Variants in GFRA1 observed in about 807,000 individuals in gnomAD.
The protein encoded by GFRA1 is GDNF family receptor alpha-1.
A neutral mutation model predicts 51.6 loss-of-function variants in GFRA1; 16 were observed. That is an observed-to-expected ratio of 0.31 (90% CI 0.21 to 0.47). The LOEUF (loss-of-function observed/expected upper bound fraction) is 0.47, where lower values mean the gene tolerates loss of function less well. Among genes scored for constraint, GFRA1 ranks in the 20% least tolerant of loss-of-function variants. The pLI is 1.00. For synonymous variants in GFRA1, 270 were observed against 241.3 expected, an observed-to-expected ratio of 1.12 and a Z score of -1.10; for missense variants, 530 against 594.3, an observed-to-expected ratio of 0.89 and a Z score of 1.13.
At chr10:116,185,634 T>C (rs1389312204) in intron 5 of GFRA1, among the ~76,000 whole-genome samples, 1 of 152,218 alleles carries the variant, frequency 6.6e-6, no homozygotes, top group Non-Finnish European at 1.5e-5. Flanking sequence ...TTATTTATGC[T>C]CTGGAGCCCC....
intron 5 of GFRA1, among the ~76,000 whole-genome samples, chr10:116,153,984 C>T (rs1273260086): frequency 6.6e-6 from 1 of 152,104 alleles, no homozygotes; most frequent in African/African-American, 2.4e-5. Context: ...GGCAAAGAAA[C>T]ATGCAGAAAT....
chr10:116,116,162 T>G (rs946613375), intron 6 of GFRA1, among the ~76,000 whole-genome samples: 1 of 152,182 alleles, frequency 6.6e-6, no homozygotes, highest in African/African-American at 2.4e-5. Context: ...TGGTGCGATC[T>G]CCACTCACTG....
chr10:116,131,821 A>C (rs1274329604), intron 5 of GFRA1, among the ~76,000 whole-genome samples: 2 of 151,180 alleles, frequency 1.3e-5, no homozygotes, highest in African/African-American at 4.9e-5. Context: ...CTACCTTGAT[A>C]ATGGCTTGTG....
chr10:116,088,716 C>G (rs561696966), intron 9 of GFRA1, among the ~76,000 whole-genome samples: 1 of 151,786 alleles, frequency 6.6e-6, no homozygotes, highest in Non-Finnish European at 1.5e-5. Flanking sequence ...GTCGGGAGAT[C>G]GAGACCATCC....
At chr10:116,219,280 T>C (rs1024776004) in intron 4 of GFRA1, among the ~76,000 whole-genome samples, 2 of 152,214 alleles carry the variant, frequency 1.3e-5, no homozygotes, top group Admixed American at 1.3e-4. Context: ...TTGCATTCTG[T>C]ATACTATGAA....
intron 5 of GFRA1, among the ~76,000 whole-genome samples, chr10:116,141,412 G>T (rs778362632): frequency 6.6e-5 from 10 of 152,176 alleles, no homozygotes; most frequent in Admixed American, 3.9e-4. Context: ...CCAGGTCTTA[G>T]TTGCGAGCTT....
chr10:116,228,256 T>C (rs1464740709), intron 4 of GFRA1, among the ~76,000 whole-genome samples: 2 of 152,158 alleles, frequency 1.3e-5, no homozygotes, highest in African/African-American at 4.8e-5. Context: ...GGAATTATGA[T>C]GAAAATGTCA....
intron 4 of GFRA1, among the ~76,000 whole-genome samples, chr10:116,248,158 G>A (rs906932795): frequency 1.3e-5 from 2 of 152,114 alleles, no homozygotes; most frequent in African/African-American, 2.4e-5. Context: ...CTGTGGCCCC[G>A]AACTTCTTGC....
At chr10:116,254,496 C>A (rs1011514567) in intron 4 of GFRA1, among the ~76,000 whole-genome samples, 2 of 145,258 alleles carry the variant, frequency 1.4e-5, no homozygotes, top group Non-Finnish European at 3.0e-5. Context: ...CAGAGTGAGA[C>A]CCTGACTCTA....
chr10:116,062,143 T>C lies in GFRA1; in HGVS notation c.*2255A>G. 2.5e-6 allele frequency: 1 copy of C among 398,596 alleles called. No individual in the cohort carries two copies. The allele number at this position is 398,596 out of a possible 1,614,324, so 24.7% of individuals were successfully genotyped here. A position where few individuals can be genotyped will look rare whatever the true frequency, so the allele number is the denominator to read the frequency against. On this transcript the variant is annotated 3_prime_UTR_variant, in exon 11 of 11. Transcript: ENST00000355422. ...GAAACTCCCATTTCCGCTTTGGTCA[T>C]CTGATGCTAATTAGAGCTGCTGTTA...
At chr10:116,081,829 T>C (rs1378363655) in intron 9 of GFRA1, among the ~76,000 whole-genome samples, 1 of 152,136 alleles carries the variant, frequency 6.6e-6, no homozygotes, top group East Asian at 1.9e-4. Flanking sequence ...TTTTTTATGG[T>C]TTTAATTTTA....
chr10:116,133,570 A>C (rs528060832), intron 5 of GFRA1, among the ~76,000 whole-genome samples: 92 of 152,320 alleles, frequency 6.0e-4, no homozygotes, highest in African/African-American at 2.0e-3. Flanking sequence ...GAGATGATAT[A>C]TCTAAGGTCC....
chr10:116,250,219 C>T (rs1021260079), intron 4 of GFRA1, among the ~76,000 whole-genome samples: 1 of 152,176 alleles, frequency 6.6e-6, no homozygotes, highest in South Asian at 2.1e-4. Context: ...GACAATAGTA[C>T]AGATGTATTC....
chr10:116,190,678 T>C (rs1467618586), intron 5 of GFRA1, among the ~76,000 whole-genome samples: 1 of 152,100 alleles, frequency 6.6e-6, no homozygotes, highest in Non-Finnish European at 1.5e-5. Context: ...CCCAAAGACA[T>C]TTCAAGAGGT....
intron 5 of GFRA1, among the ~76,000 whole-genome samples, chr10:116,190,916 G>C (rs1218956367): frequency 6.6e-6 from 1 of 152,126 alleles, no homozygotes; most frequent in Non-Finnish European, 1.5e-5. Context: ...AATGTGCTTG[G>C]CTACCTACAG....
chr10:116,199,682 C>A (rs548989922), intron 5 of GFRA1, among the ~76,000 whole-genome samples: 1 of 152,238 alleles, frequency 6.6e-6, no homozygotes, highest in South Asian at 2.1e-4. Flanking sequence ...TTTCAGTGAA[C>A]ACATCATTGA....
chr10:116,092,945 C>A (rs900492914), intron 8 of GFRA1, among the ~76,000 whole-genome samples: 1 of 152,148 alleles, frequency 6.6e-6, no homozygotes, highest in African/African-American at 2.4e-5. Context: ...GTCCTGGCAC[C>A]GTGCTTTTGG....
At chr10:116,271,917 C>A in intron 2 of GFRA1, 73 bp downstream of exon 2, 1 of 1,185,326 alleles carries the variant, frequency 8.4e-7, no homozygotes, top group Non-Finnish European at 1.2e-6. Flanking sequence ...GTGCGGAGGG[C>A]GGGGTGGGCT....
intron 5 of GFRA1, among the ~76,000 whole-genome samples, chr10:116,149,306 C>T (rs1958965696): frequency 6.6e-6 from 1 of 152,118 alleles, no homozygotes. Context: ...TGCAGAAAAT[C>T]AAGCTCTTTG....
Sources: allele counts gnomAD v4.1 joint callset (sites outside exome capture counted in the v4.1 genomes callset), GRCh38; gene constraint gnomAD v4.1.1; transcripts MANE v1.5; gene names NCBI Gene and HGNC (gene_info 2026-07-23, HGNC 2026-07-21).